Variants in PRDM11 observed in about 807,000 individuals in gnomAD.
PRDM11 encodes the protein PR/SET domain 11, also known as PR domain-containing protein 11.
In PRDM11, 20 loss-of-function variants were observed where a neutral mutation model predicts 97.8. The ratio of observed to expected loss-of-function variants is 0.20; its 90% CI spans 0.14 to 0.30. PRDM11 has a LOEUF of 0.30. Ranked by LOEUF, PRDM11 falls within the 10% of genes least tolerant of loss-of-function variation. The pLI, the probability that PRDM11 is intolerant of heterozygous loss-of-function variation, is 1.00. For missense variants in PRDM11, 1,139 were observed against 1,555.2 expected, an observed-to-expected ratio of 0.73 and a Z score of 4.50; for synonymous variants, 599 against 637.7, an observed-to-expected ratio of 0.94 and a Z score of 0.91.
At chr11:45,223,066 A>G (rs1590474364) in intron 6 of PRDM11, among the ~76,000 whole-genome samples, 1 of 152,246 alleles carries the variant, frequency 6.6e-6, no homozygotes, top group Admixed American at 6.5e-5. Context: ...CTGTAATCTC[A>G]GCACTTTGGG....
intron 1 of PRDM11, among the ~76,000 whole-genome samples, chr11:45,121,642 T>A (rs1024629455): frequency 2.6e-5 from 4 of 152,150 alleles, no homozygotes; most frequent in African/African-American, 9.7e-5. Flanking sequence ...GCAGAATGAA[T>A]ATTATTTTGA....
At chr11:45,104,058 C>T (rs752478241) in intron 1 of PRDM11, among the ~76,000 whole-genome samples, 4 of 152,170 alleles carry the variant, frequency 2.6e-5, no homozygotes, top group African/African-American at 7.2e-5. Flanking sequence ...GATCTAATTC[C>T]GTGCCCTAGA....
At chr11:45,113,824 GTTTTGT>G (rs1255995365) in intron 1 of PRDM11, among the ~76,000 whole-genome samples, 50 of 70,658 alleles carry the variant, frequency 7.1e-4, no homozygotes, top group African/African-American at 2.2e-3. Flanking sequence ...GTGTGTGTGT[GTTTTGT>G]TTTTTTTTTT....
chr11:45,159,681 T>C (rs962776236), intron 1 of PRDM11, among the ~76,000 whole-genome samples: 4 of 152,106 alleles, frequency 2.6e-5, no homozygotes, highest in Non-Finnish European at 5.9e-5. Context: ...GCTCAGTCTA[T>C]GTTTGGGGTC....
chr11:45,207,109 G>T (rs1431685057), intron 5 of PRDM11, among the ~76,000 whole-genome samples: 1 of 152,218 alleles, frequency 6.6e-6, no homozygotes, highest in Non-Finnish European at 1.5e-5. Flanking sequence ...GAGCAGGTTT[G>T]GGTTAGGGAT....
chr11:45,174,516 G>T (rs1470550094), intron 1 of PRDM11, among the ~76,000 whole-genome samples: 2 of 152,080 alleles, frequency 1.3e-5, no homozygotes, highest in East Asian at 3.9e-4. Flanking sequence ...GAGATATGGG[G>T]GTCCTTACCG....
Position 45,127,781 on chromosome 11 carries a change from G to A in PRDM11, c.96+31880G>A, listed in dbSNP as rs572262912. ...TGCCCCTACCGGGGGGTGCCTCCCAGTTAGGCTGCTCAGGGGTCAGGGACC... is the reference window on the plus strand; with the variant it reads ...TGCCCCTACCGGGGGGTGCCTCCCAATTAGGCTGCTCAGGGGTCAGGGACC... On this transcript the variant is annotated intron_variant, in intron 1 of 6. Transcript: ENST00000530656. Among the ~76,000 whole-genome samples the A allele has an allele frequency of 1.3e-4, 20 of 152,388 alleles. No individual in the cohort carries two copies. In the South Asian group the frequency reaches 3.7e-3, roughly 28 times the overall value.
chr11:45,110,549 G>T (rs1035902836), intron 1 of PRDM11, among the ~76,000 whole-genome samples: 2 of 152,196 alleles, frequency 1.3e-5, no homozygotes, highest in Admixed American at 1.3e-4. Flanking sequence ...AACCGCCAAG[G>T]GGCTCTCCTC....
At chr11:45,180,923 C>T (rs1283788542) in intron 1 of PRDM11, among the ~76,000 whole-genome samples, 1 of 152,086 alleles carries the variant, frequency 6.6e-6, no homozygotes, top group Non-Finnish European at 1.5e-5. Flanking sequence ...GCACCCCTCC[C>T]AGTCGCCGCC....
intron 4 of PRDM11, among the ~76,000 whole-genome samples, chr11:45,184,462 G>A (rs1326586704): frequency 6.6e-6 from 1 of 152,170 alleles, no homozygotes. Context: ...TTCTGTAGTC[G>A]GCAATGGTGG....
At chr11:45,135,961 A>G (rs1307448396) in intron 1 of PRDM11, among the ~76,000 whole-genome samples, 1 of 152,244 alleles carries the variant, frequency 6.6e-6, no homozygotes, top group Non-Finnish European at 1.5e-5. Context: ...AAACAGGATG[A>G]GTAAATATAA....
chr11:45,189,529 T>C (rs939242301), intron 4 of PRDM11, among the ~76,000 whole-genome samples: 1 of 152,214 alleles, frequency 6.6e-6, no homozygotes, highest in Non-Finnish European at 1.5e-5. Context: ...GCGCTGATAC[T>C]GGATAGGTTT....
At chr11:45,147,656 G>A (rs1435237083) in intron 1 of PRDM11, 1 of 152,306 alleles carries the variant, frequency 6.6e-6, no homozygotes, top group Non-Finnish European at 1.5e-5. Context: ...CGTGCTCTAG[G>A]CGAGTCGCTG....
upstream of PRDM11, among the ~76,000 whole-genome samples, chr11:45,095,329 C>A (rs1174724317): frequency 6.6e-6 from 1 of 152,172 alleles, no homozygotes; most frequent in Non-Finnish European, 1.5e-5. Context: ...TTTATTTCCT[C>A]CAGCCCTCAG....
intron 1 of PRDM11, among the ~76,000 whole-genome samples, chr11:45,140,694 C>T (rs1215129995): frequency 1.3e-5 from 2 of 152,030 alleles, no homozygotes; most frequent in Non-Finnish European, 2.9e-5. Context: ...TAAAGCTGCT[C>T]CCCAATCTGC....
rs767802218 is a variant in PRDM11 at position 45,101,567 on chromosome 11, A to AAAAAAAAAGAAG, written c.96+5668_96+5669insAAAAAAGAAGAA. ...CAACACTCTGTCTCAAAAAAAAAAA[A>AAAAAAAAAGAAG]AAGAAGAAGAAGAAGAAGAAGAAGA... is the stretch of plus-strand genomic sequence containing the variant. On this transcript the variant is annotated intron_variant, in intron 1 of 6. Coordinates refer to the PRDM11 transcript ENST00000530656. Among the ~76,000 whole-genome samples, 116 of 96,856 alleles carry AAAAAAAAAGAAG rather than the reference A, an allele frequency of 1.2e-3. 4 individuals carry two copies. Among genetic ancestry groups the AAAAAAAAAGAAG allele is most frequent in the African/African-American group, 5.0e-3 (102 of 20,548 alleles). 63.5% of individuals were successfully genotyped at this position (96,856 alleles called of 152,430 possible). A position where few individuals can be genotyped will look rare whatever the true frequency, so the allele number is the denominator to read the frequency against.
At chr11:45,101,708 G>A (rs199623512) in intron 1 of PRDM11, among the ~76,000 whole-genome samples, 1,610 of 61,388 alleles carry the variant, frequency 0.026, 99 homozygotes, top group Middle Eastern at 0.04. Flanking sequence ...GCTCAGAGCT[G>A]GAGGCTGAGC....
intron 7 of PRDM11, among the ~76,000 whole-genome samples, chr11:45,225,440 C>A (rs1854250993): frequency 6.6e-6 from 1 of 152,180 alleles, no homozygotes; most frequent in African/African-American, 2.4e-5. Context: ...ATATCTGCAG[C>A]TGAGGGAGAC....
chr11:45,102,485 C>T (rs930004424), intron 1 of PRDM11, among the ~76,000 whole-genome samples: 1 of 152,174 alleles, frequency 6.6e-6, no homozygotes, highest in Non-Finnish European at 1.5e-5. Flanking sequence ...AGCACCCCAG[C>T]TGGGGCCCCA....
Sources: allele counts gnomAD v4.1 joint callset (sites outside exome capture counted in the v4.1 genomes callset), GRCh38; gene constraint gnomAD v4.1.1; transcripts MANE v1.5; gene names NCBI Gene and HGNC (gene_info 2026-07-23, HGNC 2026-07-21).